Variants in MIB2 observed in about 807,000 individuals in gnomAD.
MIB2 encodes MIB E3 ubiquitin protein ligase 2.
In MIB2, 78 loss-of-function variants were observed where a neutral mutation model predicts 96.6. That is an observed-to-expected ratio of 0.81 (90% CI 0.67 to 0.97). The LOEUF is 0.97. Among genes scored for constraint, MIB2 ranks in the 50% least tolerant of loss-of-function variants. MIB2 has a pLI of 0.00. For missense variants in MIB2, 1,543 were observed against 1,424.0 expected (o/e 1.08, Z -1.35); for synonymous variants, 820 against 629.5 (o/e 1.30, Z -4.53).
At chr1:1,615,385 G>A, upstream of MIB2, 2 of 1,439,398 alleles carry the variant, frequency 1.4e-6, no homozygotes. Context: ...GCCACGCAGG[G>A]TAGGCGACGC....
chr1:1,624,866 T>C lies in MIB2; in HGVS notation c.491T>C (p.Val164Ala), dbSNP rs1216819387. The C allele has an allele frequency of 2.5e-6, 4 of 1,612,870 alleles. No homozygotes were observed. Among genetic ancestry groups the C allele is most frequent in the East Asian group, 4.5e-5 (2 of 44,886 alleles). The stretch of plus-strand genomic sequence containing the variant: ...GGCATCTTCCAGGGAGCGAAGGTGG[T>C]GCGAGGCCCCGACTGGGAGTGGGGC... ...LRGIFQGAKV[V>A]RGPDWEWGSQ... The change falls in exon 5 of 20, where the codon GTG becomes GCG. Residue 164 changes from valine to alanine, a missense_variant. Physicochemically the swap from Val to Ala is moderately conservative, Grantham distance 64 (BLOSUM62 0). Coordinates refer to ENST00000355826, the MANE Select transcript of MIB2 (RefSeq NM_001170687.4).
At chr1:1,613,768 G>C (rs577554939), upstream of MIB2, 1 of 152,206 alleles carries the variant, frequency 6.6e-6, no homozygotes, top group African/African-American at 2.4e-5. Flanking sequence ...TTGGTAGAGA[G>C]CTTAGGATTT....
At position 1,630,391 on chromosome 1, in the gene MIB2, C is replaced by T; in HGVS notation, c.2729C>T (p.Thr910Ile). Reference protein sequence around the residue: ...SRYRQMEERITCPICIDSHIR... With the variant: ...SRYRQMEERIICPICIDSHIR... Reference sequence around the variant, plus strand: ...TACCGGCAGATGGAGGAACGCATCACCTGCCCCATCTGCATCGACAGCCAC... The same window carrying T: ...TACCGGCAGATGGAGGAACGCATCATCTGCCCCATCTGCATCGACAGCCAC... The change falls in exon 20 of 20, where the codon ACC (threonine) becomes ATC (isoleucine). Residue 910 changes from threonine to isoleucine, a missense_variant. By Grantham distance (89) the Thr-to-Ile change is moderately conservative. Transcript: ENST00000355826. The T allele has an allele frequency of 2.6e-6, 4 of 1,564,952 alleles. No individual in the cohort carries two copies. Among genetic ancestry groups the T allele is most frequent in the Non-Finnish European group, 2.6e-6 (3 of 1,156,716 alleles).
chr1:1,620,714 C>G (rs1644184453), intron 2 of MIB2, among the ~76,000 whole-genome samples: 1 of 152,262 alleles, frequency 6.6e-6, no homozygotes, highest in African/African-American at 2.4e-5. Context: ...CCATGCCTCA[C>G]CCTTCTTGGG....
At chr1:1,621,954 T>C (rs1644299253) in intron 2 of MIB2, among the ~76,000 whole-genome samples, 2 of 152,216 alleles carry the variant, frequency 1.3e-5, no homozygotes, top group Admixed American at 1.3e-4. Flanking sequence ...GGCTTTGCTG[T>C]GGCCCCTCCT....
Position 1,625,047 on chromosome 1 carries a change from G to A in MIB2, c.583G>A (p.Gly195Ser). 1 of 1,613,276 alleles carries A rather than the reference G, an allele frequency of 6.2e-7. No individual in the cohort carries two copies. Among genetic ancestry groups the A allele is most frequent in the African/African-American group, 1.3e-5 (1 of 75,064 alleles). ...VDIRGWDVET[G>S]RSVASVTWAD... is the part of the protein sequence containing the mutation. ...CATCCGTGGCTGGGATGTGGAGACA[G>A]GCCGGAGTGTGGCCAGCGTGACGTG... The change falls in exon 6 of 20, where the codon GGC becomes AGC. Residue 195 changes from glycine (G) to serine (S), a missense_variant. Physicochemically the swap from Gly to Ser is moderately conservative, Grantham distance 56 (BLOSUM62 0). Transcript: ENST00000355826. The surrounding 1 kb of genome is among the most constrained non-coding windows in gnomAD (Gnocchi z 5.0).
In MIB2 at chr1:1,626,818, C is replaced by G; in HGVS notation, c.1078-19C>G. 6.3e-7 allele frequency: 1 copy of G among 1,599,808 alleles called. No homozygotes were observed. The highest frequency in any genetic ancestry group is 8.5e-7 in the Non-Finnish European group (1 of 1,177,962). ...CCCCCACACCTGCAGCCTGCTGTGA[C>G]CCCCTCCCCTCCCCGCAGGCCCTGG... On this transcript the variant is annotated intron_variant, in intron 9 of 19. Coordinates refer to ENST00000355826, the MANE Select transcript of MIB2 (RefSeq NM_001170687.4). The surrounding 1 kb of genome is among the most constrained non-coding windows in gnomAD (Gnocchi z 5.3).
At chr1:1,621,675 T>G (rs1479411106) in intron 2 of MIB2, among the ~76,000 whole-genome samples, 1 of 152,228 alleles carries the variant, frequency 6.6e-6, no homozygotes, top group Non-Finnish European at 1.5e-5. Context: ...CCCATTCCTG[T>G]GGAAGCTCTC....
At chr1:1,617,488 C>G (rs1643866410) in intron 2 of MIB2, 2 of 152,222 alleles carry the variant, frequency 1.3e-5, no homozygotes, top group African/African-American at 4.8e-5. Context: ...ATAGAACAGA[C>G]CCGGTGTCTG....
chr1:1,630,448 C>A lies in MIB2; in HGVS notation c.2786C>A (p.Ala929Glu). The change falls in exon 20 of 20, where the codon GCA becomes GAA. Residue 929 changes from alanine (A) to glutamate (E), a missense_variant. By Grantham distance (107) the Ala-to-Glu change is moderately radical. Transcript: ENST00000355826. ...CTCGTGTTCCAGTGCGGCCACGGCG[C>A]ATGCGCCCCCTGCGGCTCCGCGCTC... Reference protein sequence around the residue: ...IRLVFQCGHGACAPCGSALSA... With the variant: ...IRLVFQCGHGECAPCGSALSA... 1 of 1,592,118 alleles carries A rather than the reference C, an allele frequency of 6.3e-7. No homozygotes were observed.
rs752322327 is a variant in MIB2 at position 1,628,035 on chromosome 1, C to T, written c.1697C>T (p.Thr566Met). 69 of 1,612,828 alleles carry T rather than the reference C, an allele frequency of 4.3e-5. 1 individual carries two copies. Among genetic ancestry groups the T allele is most frequent in the South Asian group, 3.0e-4 (27 of 91,080 alleles). Residue 566 changes from threonine (T) to methionine (M), a missense_variant, in exon 14 of 20, where the codon ACG (threonine) becomes ATG (methionine). Coordinates refer to ENST00000355826, the MANE Select transcript of MIB2 (RefSeq NM_001170687.4). ...DVNLPDAHSD[T>M]PLHSAISAGT... ...CCCCAGCAGGACGCCCACTCGGACA[C>T]GCCCCTGCACTCCGCCATCTCGGCG...
At position 1,628,302 on chromosome 1, in the gene MIB2, G is replaced by C. The variant is rs770240516; in HGVS notation, c.1871G>C (p.Arg624Pro). 2 of 1,612,808 alleles carry C rather than the reference G, an allele frequency of 1.2e-6. No homozygotes were observed. The highest frequency in any genetic ancestry group is 1.3e-5 in the African/African-American group (1 of 74,942). Residue 624 changes from arginine (R) to proline (P), a missense_variant, in exon 15 of 20, where the codon CGG becomes CCG. Physicochemically the swap from Arg to Pro is moderately radical, Grantham distance 103. Coordinates refer to ENST00000355826, the MANE Select transcript of MIB2 (RefSeq NM_001170687.4). Reference sequence around the variant, plus strand: ...GTGAGAAAGATTCTGGCTCGGGCGCGGCAGCTGGTGGACGCCAAGAAGGAG... The same window carrying C: ...GTGAGAAAGATTCTGGCTCGGGCGCCGCAGCTGGTGGACGCCAAGAAGGAG... The part of the protein sequence containing the change: ...LAVRKILARA[R>P]QLVDAKKEDG...
At position 1,625,353 on chromosome 1, in the gene MIB2, C is replaced by G. The variant is rs1175794442; in HGVS notation, c.789C>G (p.Val263=). 6.3e-7 allele frequency: 1 copy of G among 1,582,808 alleles called. No individual in the cohort carries two copies. Among genetic ancestry groups the G allele is most frequent in the Admixed American group, 1.8e-5 (1 of 55,478 alleles). Residue 263 remains valine, a synonymous_variant, in exon 7 of 20, where the codon GTC becomes GTG. Coordinates refer to ENST00000355826, the MANE Select transcript of MIB2 (RefSeq NM_001170687.4). This position sits in a 1 kb window ranked among gnomAD's most constrained non-coding sequence, Gnocchi z 5.0. ...AGCCCTTCCAGCACGGGGACAAGGT[C>G]AAGTGTCTGCTGGACACTGATGTCC... ...DSQPFQHGDK[V]KCLLDTDVLR...
chr1:1,619,740 G>T (rs1644085177), intron 2 of MIB2, among the ~76,000 whole-genome samples: 1 of 152,196 alleles, frequency 6.6e-6, no homozygotes, highest in Non-Finnish European at 1.5e-5. Context: ...TGTTGGGGCA[G>T]CCCTCAGCAA....
intron 2 of MIB2, chr1:1,616,840 C>T (rs1643764691): frequency 2.1e-6 from 1 of 476,572 alleles, no homozygotes; most frequent in Non-Finnish European, 3.7e-6. Flanking sequence ...TGGGGCAGAG[C>T]GGCCGCAGCG....
chr1:1,616,157 G>T (rs1643629479), intron 1 of MIB2: 1 of 958,830 alleles, frequency 1.0e-6, no homozygotes, highest in Middle Eastern at 5.3e-4. Context: ...GCCTCCGCGA[G>T]CCACGGGCAC....
Position 1,630,294 on chromosome 1 carries a change from G to C in MIB2, c.2632G>C (p.Gly878Arg). 4.7e-6 allele frequency: 6 copies of C among 1,268,040 alleles called. No homozygotes were observed. Among genetic ancestry groups the C allele is most frequent in the Middle Eastern group, 3.0e-4 (1 of 3,328 alleles). The allele number at this position is 1,268,040 out of a possible 1,614,324, so 78.5% of individuals were successfully genotyped here. ...VVVSKKLRPD[G>R]SEVASAAPAP... ...CACACCCGTCCCCCACCCCGCAGAC[G>C]GCTCTGAGGTGGCGAGCGCCGCCCC... The change falls in exon 20 of 20, where the codon GGC (glycine) becomes CGC (arginine). Residue 878 changes from glycine (G) to arginine (R), a missense_variant and splice_region_variant. Gly to Arg is a moderately radical substitution (Grantham distance 125, BLOSUM62 -2). Coordinates refer to ENST00000355826, the MANE Select transcript of MIB2 (RefSeq NM_001170687.4).
In MIB2 at chr1:1,627,096, C is replaced by T. The variant is rs757861473; in HGVS notation, c.1263C>T (p.Asp421=). ...ENKSSLSVAL[D]KLRAQKSDPE... ...CAGGCTCACTGAGCGTGGCCCTGGA[C>T]AAGCTTCGGGCCCAGAAGAGTGACC... Residue 421 remains aspartate, a synonymous_variant, in exon 11 of 20, where the codon GAC becomes GAT. Coordinates refer to ENST00000355826, the MANE Select transcript of MIB2 (RefSeq NM_001170687.4). 6 of 1,600,342 alleles carry T rather than the reference C, an allele frequency of 3.7e-6. No homozygotes were observed. Among genetic ancestry groups the T allele is most frequent in the Admixed American group, 1.7e-5 (1 of 57,952 alleles).
In MIB2 at chr1:1,628,575, G is replaced by C. The variant is rs374793754; in HGVS notation, c.2055G>C (p.Pro685=). The change falls in exon 16 of 20, where the codon CCG becomes CCC. Residue 685 remains proline, a synonymous_variant. Transcript: ENST00000355826. The part of the protein sequence containing the change: ...AVQQAHVGLV[P]LLVDAGCSVN... ...AACAGGCCCACGTGGGGCTGGTGCC[G>C]CTACTGGTGGACGCTGGGTGCAGTG... is the stretch of plus-strand genomic sequence containing the variant. 1.9e-5 allele frequency: 31 copies of C among 1,600,544 alleles called. No homozygotes were observed. Among genetic ancestry groups the C allele is most frequent in the Non-Finnish European group, 2.5e-5 (30 of 1,178,054 alleles).
Sources: gnomAD v4.1 joint callset for allele counts (sites outside exome capture counted in the v4.1 genomes callset) on GRCh38, gnomAD v4.1.1 for gene constraint, Gnocchi (gnomAD v3.1) non-coding constraint, MANE v1.5 for transcripts, NCBI Gene and HGNC (gene_info 2026-07-23, HGNC 2026-07-21) for gene names.